TXNDC16: variants seen among roughly 807,000 people sequenced by gnomAD.
TXNDC16 encodes thioredoxin domain-containing protein 16.
Under a neutral mutation model 85.6 loss-of-function variants are expected in TXNDC16, and 74 were observed. The observed-to-expected ratio is 0.86, with a 90% CI of 0.72 to 1.05. TXNDC16 has a LOEUF of 1.05. Among genes scored for constraint, TXNDC16 ranks in the 50% least tolerant of loss-of-function variants. The probability of loss-of-function intolerance (pLI) is 0.00; values close to 1 mark genes in which losing one functional copy is unlikely to be tolerated. For missense variants in TXNDC16, 959 were observed against 947.0 expected (o/e 1.01, Z -0.17); for synonymous variants, 335 against 326.5 (o/e 1.03, Z -0.28).
intron 9 of TXNDC16, among the ~76,000 whole-genome samples, chr14:52,504,260 C>G (rs181736746): frequency 2.8e-4 from 43 of 152,188 alleles, no homozygotes; most frequent in African/African-American, 9.6e-4. Context: ...CTCCAAGACA[C>G]ATAATTGTCA....
At chr14:52,486,819 A>T (rs1249696199) in intron 12 of TXNDC16, among the ~76,000 whole-genome samples, 17 of 152,212 alleles carry the variant, frequency 1.1e-4, no homozygotes, top group Admixed American at 1.1e-3. Context: ...GCTGGAGGTT[A>T]TTGAATGTTT....
intron 9 of TXNDC16, among the ~76,000 whole-genome samples, chr14:52,493,216 T>TATATATATATATATATATATATATTACAC: frequency 8.6e-6 from 1 of 115,942 alleles, no homozygotes; most frequent in Non-Finnish European, 1.7e-5. Flanking sequence ...TATATATATA[T>TATATATATATATATATATATATATTACAC]ACACACACAC....
intron 6 of TXNDC16, among the ~76,000 whole-genome samples, chr14:52,530,268 ATTATTATT>A: frequency 1.7e-5 from 1 of 58,400 alleles, no homozygotes; most frequent in East Asian, 1.0e-3. Flanking sequence ...TATAATATAT[ATTATTATT>A]TAATATATAA....
At position 52,466,885 on chromosome 14, in the gene TXNDC16, A is replaced by T. The variant is rs2035789550; in HGVS notation, c.1618+3152T>A. Among the ~76,000 whole-genome samples, 2 of 152,182 alleles carry T rather than the reference A, an allele frequency of 1.3e-5. 1 individual carries two copies. Among genetic ancestry groups the T allele is most frequent in the Non-Finnish European group, 2.9e-5 (2 of 68,016 alleles). On this transcript the variant is annotated intron_variant, in intron 16 of 20. Transcript: ENST00000281741. ...CCATCTCAAAAAATAATAATAATAA[A>T]AAATAAAGAAAAACAATAATGAAGC...
Position 52,519,313 on chromosome 14 carries a change from A to C in TXNDC16, c.393-20T>G. 1 of 1,555,450 alleles carries C rather than the reference A, an allele frequency of 6.4e-7. No homozygotes were observed. ...AGAGCACTGAAATAAATACAGATAT[A>C]ATTAGTAGAAAAATCTGATATGTAT... On this transcript the variant is annotated intron_variant, in intron 6 of 20. Transcript: ENST00000281741.
chr14:52,475,129 G>A (rs566363059), intron 14 of TXNDC16, among the ~76,000 whole-genome samples: 2 of 152,296 alleles, frequency 1.3e-5, no homozygotes, highest in South Asian at 2.1e-4. Flanking sequence ...GAGCGAAAGC[G>A]AAATACACGG....
intron 16 of TXNDC16, among the ~76,000 whole-genome samples, chr14:52,459,083 AAT>A (rs1387004152): frequency 6.6e-6 from 1 of 152,240 alleles, no homozygotes; most frequent in East Asian, 1.9e-4. Context: ...TCTGAATAAA[AAT>A]ATGCACAAAA....
chr14:52,505,040 G>A (rs555774551), intron 9 of TXNDC16, among the ~76,000 whole-genome samples: 15 of 152,076 alleles, frequency 9.9e-5, no homozygotes, highest in Admixed American at 4.6e-4. Context: ...ATATATATGC[G>A]CCCAATATAG....
At chr14:52,476,813 G>A (rs2036030618) in intron 14 of TXNDC16, among the ~76,000 whole-genome samples, 1 of 152,098 alleles carries the variant, frequency 6.6e-6, no homozygotes, top group African/African-American at 2.4e-5. Context: ...CCAAGTACAA[G>A]AAGCCCAGAG....
At chr14:52,507,502 T>C (rs1044899071) in intron 9 of TXNDC16, among the ~76,000 whole-genome samples, 6 of 152,302 alleles carry the variant, frequency 3.9e-5, no homozygotes, top group Middle Eastern at 3.4e-3. Context: ...AGGTAATTTA[T>C]AGATTCAATG....
chr14:52,440,913 CTGAA>C (rs2035149576), intron 18 of TXNDC16, among the ~76,000 whole-genome samples, 189 bp from the exon 19 acceptor site: 2 of 152,126 alleles, frequency 1.3e-5, no homozygotes, highest in South Asian at 2.1e-4. Context: ...CCCACCTCAT[CTGAA>C]TGAGTTATTT....
At chr14:52,476,528 A>G (rs1411191934) in intron 14 of TXNDC16, among the ~76,000 whole-genome samples, 7 of 152,156 alleles carry the variant, frequency 4.6e-5, no homozygotes, top group Admixed American at 4.6e-4. Flanking sequence ...ACGCACTTAT[A>G]GAAATGCAAA....
chr14:52,527,298 C>A (rs2037358881), intron 6 of TXNDC16, among the ~76,000 whole-genome samples: 1 of 152,162 alleles, frequency 6.6e-6, no homozygotes, highest in Non-Finnish European at 1.5e-5. Flanking sequence ...ATACTATCTT[C>A]AGGTAGGTAC....
chr14:52,549,285 A>G (rs1470265267), intron 1 of TXNDC16, among the ~76,000 whole-genome samples: 1 of 152,220 alleles, frequency 6.6e-6, no homozygotes, highest in African/African-American at 2.4e-5. Context: ...GCTCATTTAA[A>G]TAATAGAAAG....
chr14:52,531,213 G>A (rs1289188346), intron 6 of TXNDC16, among the ~76,000 whole-genome samples: 1 of 152,140 alleles, frequency 6.6e-6, no homozygotes, highest in Non-Finnish European at 1.5e-5. Context: ...TTCATTCATT[G>A]CTGGTGGGAA....
intron 16 of TXNDC16, chr14:52,463,007 C>A (rs1022032588): frequency 2.2e-6 from 1 of 454,608 alleles, no homozygotes; most frequent in African/African-American, 2.0e-5. Context: ...GGGGATAGAA[C>A]ACAAAAGTCC....
chr14:52,482,440 A>C, intron 13 of TXNDC16, 151 bp from the exon 14 acceptor site: 1 of 672,340 alleles, frequency 1.5e-6, no homozygotes, highest in Non-Finnish European at 2.4e-6. Context: ...TAGTCCAACC[A>C]CTTAAGAGAG....
chr14:52,518,268 A>C (rs2037131018), intron 7 of TXNDC16, among the ~76,000 whole-genome samples: 1 of 152,198 alleles, frequency 6.6e-6, no homozygotes, highest in African/African-American at 2.4e-5. Flanking sequence ...TCCCTAGTCC[A>C]TACTCCCAAC....
chr14:52,485,764 T>C (rs1228858156), intron 12 of TXNDC16, among the ~76,000 whole-genome samples: 2 of 152,320 alleles, frequency 1.3e-5, no homozygotes, highest in East Asian at 1.9e-4. Flanking sequence ...AGGTGTGTAA[T>C]AGGCTACACC....
Sources: gnomAD v4.1 joint callset for allele counts (sites outside exome capture counted in the v4.1 genomes callset) on GRCh38, gnomAD v4.1.1 for gene constraint, MANE v1.5 for transcripts, NCBI Gene and HGNC (gene_info 2026-07-23, HGNC 2026-07-21) for gene names.